PTPRD: variants seen among roughly 807,000 people sequenced by gnomAD.
PTPRD encodes the protein receptor-type tyrosine-protein phosphatase delta.
In PTPRD, 34 loss-of-function variants were observed where a neutral mutation model predicts 214.5. The observed-to-expected ratio is 0.16, with a 90% CI of 0.12 to 0.21. The LOEUF is 0.21. PTPRD is among the 10% of genes least tolerant of loss of function. The pLI is 1.00. For missense variants in PTPRD, 2,545 were observed against 2,398.7 expected, an observed-to-expected ratio of 1.06 and a Z score of -1.27; for synonymous variants, 1,128 against 845.7, an observed-to-expected ratio of 1.33 and a Z score of -5.79.
At chr9:8,489,934 G>A (rs1412158436) in intron 27 of PTPRD, among the ~76,000 whole-genome samples, 1 of 152,208 alleles carries the variant, frequency 6.6e-6, no homozygotes, top group Non-Finnish European at 1.5e-5. Context: ...GGATGCAGCA[G>A]GGTCCATGTT....
intron 3 of PTPRD, among the ~76,000 whole-genome samples, chr9:10,112,407 G>A (rs1018845525): frequency 6.6e-6 from 1 of 151,930 alleles, no homozygotes; most frequent in Non-Finnish European, 1.5e-5. Context: ...GTTCAATGAT[G>A]TATCTTCCAA....
chr9:8,386,496 T>C (rs962892963), intron 37 of PTPRD, among the ~76,000 whole-genome samples: 1 of 152,228 alleles, frequency 6.6e-6, no homozygotes, highest in African/African-American at 2.4e-5. Flanking sequence ...AATAATGACA[T>C]TTCAAGCTTC....
intron 5 of PTPRD, among the ~76,000 whole-genome samples, chr9:9,851,192 T>C (rs1456642914): frequency 6.6e-6 from 1 of 152,192 alleles, no homozygotes; most frequent in Non-Finnish European, 1.5e-5. Context: ...TTAATAGAAA[T>C]AATATAAGCA....
intron 11 of PTPRD, among the ~76,000 whole-genome samples, chr9:8,999,962 T>C (rs1381589455): frequency 2.0e-5 from 3 of 152,000 alleles, no homozygotes; most frequent in African/African-American, 7.2e-5. Context: ...AGTGTAAATA[T>C]TCCAATGAGT....
chr9:10,017,762 CTTA>C (rs1434298188), intron 4 of PTPRD, among the ~76,000 whole-genome samples: 2 of 151,986 alleles, frequency 1.3e-5, no homozygotes, highest in Non-Finnish European at 2.9e-5. Flanking sequence ...GACACATTTT[CTTA>C]TTATATTTAT....
chr9:10,179,675 T>C (rs1182503435), intron 3 of PTPRD, among the ~76,000 whole-genome samples: 1 of 152,032 alleles, frequency 6.6e-6, no homozygotes, highest in Non-Finnish European at 1.5e-5. Flanking sequence ...TATTCACCCA[T>C]TCAATCCTCA....
intron 9 of PTPRD, among the ~76,000 whole-genome samples, chr9:9,272,677 C>T (rs1943430664): frequency 6.6e-6 from 1 of 151,304 alleles, no homozygotes; most frequent in South Asian, 2.1e-4. Context: ...TTTCTGTCAC[C>T]AGACTGCCTA....
rs137911338 is a variant in PTPRD at position 9,622,500 on chromosome 9, T to C, written c.-286-47719A>G. Reference sequence around the variant, plus strand: ...TTATTGCATCTCAGAAGAAAAAAGATTTACTAAAATGTTTGTCCACAAAAT... The same window carrying C: ...TTATTGCATCTCAGAAGAAAAAAGACTTACTAAAATGTTTGTCCACAAAAT... On this transcript the variant is annotated intron_variant, in intron 7 of 45. Coordinates refer to ENST00000381196, the MANE Select transcript of PTPRD (RefSeq NM_002839.4). 2.5e-3 allele frequency among the ~76,000 whole-genome samples: 381 copies of C among 152,266 alleles called. 2 individuals carry two copies. The highest frequency in any genetic ancestry group is 8.5e-3 in the African/African-American group (355 of 41,546).
chr9:10,034,940 G>GGTAATAGGATTGCTA (rs932064803), intron 3 of PTPRD, among the ~76,000 whole-genome samples: 2 of 151,652 alleles, frequency 1.3e-5, no homozygotes, highest in African/African-American at 4.8e-5. Context: ...TTGAGTATAT[G>GGTAATAGGATTGCTA]GTAATAGGAT....
intron 9 of PTPRD, among the ~76,000 whole-genome samples, chr9:9,345,362 G>T (rs2048395288): frequency 6.6e-6 from 1 of 151,932 alleles, no homozygotes; most frequent in African/African-American, 2.4e-5. Flanking sequence ...GTTAAAGTAG[G>T]TTTTTTTGAT....
At chr9:10,416,734 G>A (rs1485090100) in intron 2 of PTPRD, among the ~76,000 whole-genome samples, 2 of 151,756 alleles carry the variant, frequency 1.3e-5, no homozygotes, top group Non-Finnish European at 2.9e-5. Flanking sequence ...GAGTATCTCT[G>A]TGGAGATTGC....
chr9:8,708,842 C>T (rs555557079), intron 12 of PTPRD, among the ~76,000 whole-genome samples: 1 of 152,084 alleles, frequency 6.6e-6, no homozygotes, highest in African/African-American at 2.4e-5. Flanking sequence ...TGGAAGCAAC[C>T]TAAGTGTCCA....
intron 9 of PTPRD, among the ~76,000 whole-genome samples, chr9:9,284,168 T>G (rs1417371923): frequency 2.0e-5 from 3 of 151,688 alleles, no homozygotes; most frequent in African/African-American, 7.2e-5. Flanking sequence ...ATTCCTTTTC[T>G]TGGGGTTCTA....
chr9:10,397,802 T>C (rs2098199144), intron 2 of PTPRD, among the ~76,000 whole-genome samples: 1 of 151,698 alleles, frequency 6.6e-6, no homozygotes. Flanking sequence ...ACTAAGAAAA[T>C]GGATTATAGG....
chr9:9,399,883 C>T (rs1186056141), intron 8 of PTPRD, among the ~76,000 whole-genome samples: 1 of 151,994 alleles, frequency 6.6e-6, no homozygotes, highest in African/African-American at 2.4e-5. Context: ...CTTTCCTCTA[C>T]TAAATTACCC....
At chr9:9,885,640 A>G (rs12003912) in intron 5 of PTPRD, among the ~76,000 whole-genome samples, 11,060 of 152,034 alleles carry the variant, frequency 0.073, 1,233 homozygotes, top group African/African-American at 0.24. Context: ...TAGAGAATGA[A>G]ATGTGGCCAT....
intron 2 of PTPRD, among the ~76,000 whole-genome samples, chr9:10,514,420 A>G (rs1313466524): frequency 1.3e-5 from 2 of 151,502 alleles, no homozygotes; most frequent in African/African-American, 2.4e-5. Context: ...CATATATAGT[A>G]TATATACACC....
Position 9,786,080 on chromosome 9 carries a change from C to A in PTPRD, c.-367-19229G>T, listed in dbSNP as rs114585582. On this transcript the variant is annotated intron_variant, in intron 5 of 45. Coordinates refer to ENST00000381196, the MANE Select transcript of PTPRD (RefSeq NM_002839.4). ...ATATTTCATTATCAATAATACAAAC[C>A]AATGGCCTAAGCCTGTTTTCTATTA... Among the ~76,000 whole-genome samples, 658 of 152,158 alleles carry A rather than the reference C, an allele frequency of 4.3e-3. 3 individuals carry two copies. Among genetic ancestry groups the A allele is most frequent in the African/African-American group, 0.015 (619 of 41,528 alleles).
intron 4 of PTPRD, among the ~76,000 whole-genome samples, chr9:10,011,531 C>A (rs2096599872): frequency 6.6e-6 from 1 of 151,864 alleles, no homozygotes; most frequent in African/African-American, 2.4e-5. Flanking sequence ...AAAACCAAGG[C>A]ACAATAATAA....
Sources: gnomAD v4.1 joint callset for allele counts (sites outside exome capture counted in the v4.1 genomes callset) on GRCh38, gnomAD v4.1.1 for gene constraint, MANE v1.5 for transcripts, NCBI Gene and HGNC (gene_info 2026-07-23, HGNC 2026-07-21) for gene names.